TBL1X: variants seen among roughly 807,000 people sequenced by gnomAD.
TBL1X encodes transducin beta like 1 X-linked.
TBL1X carries 10 observed loss-of-function variants against 50.7 expected under a neutral mutation model. That is an observed-to-expected ratio of 0.20 (90% CI 0.12 to 0.33). TBL1X has a LOEUF of 0.33. Ranked by LOEUF, TBL1X falls within the 10% of genes least tolerant of loss-of-function variation. The pLI, the probability that TBL1X is intolerant of heterozygous loss-of-function variation, is 1.00. For missense variants in TBL1X, 340 were observed against 504.4 expected (o/e 0.67, Z 3.12); for synonymous variants, 190 against 214.7 (o/e 0.88, Z 1.01).
intron 2 of TBL1X, among the ~76,000 whole-genome samples, chrX:9,511,845 T>A (rs192843310): frequency 3.6e-5 from 4 of 112,301 alleles, no homozygotes; most frequent in African/African-American, 1.3e-4. Context: ...GCAGGTTGTC[T>A]ACTTCTTAAC....
chrX:9,469,164 T>TCTTG (rs1555955000), intron 1 of TBL1X, among the ~76,000 whole-genome samples: 1 of 108,819 alleles, frequency 9.2e-6, no homozygotes, highest in Non-Finnish European at 1.9e-5. Context: ...AACATGCCTT[T>TCTTG]TTTGTTTGTT....
intron 2 of TBL1X, among the ~76,000 whole-genome samples, chrX:9,529,512 GGCACAGCCAGGTAGA>G (rs2082149406): frequency 8.9e-6 from 1 of 111,844 alleles, no homozygotes; most frequent in Non-Finnish European, 1.9e-5. Context: ...AGGCAGGCAT[GGCACAGCCAGGTAGA>G]GACTGGTTTC....
chrX:9,688,645 G>C (rs976557855), intron 7 of TBL1X, among the ~76,000 whole-genome samples: 1 of 112,720 alleles, frequency 8.9e-6, no homozygotes, highest in Non-Finnish European at 1.9e-5. Context: ...TATAATTATT[G>C]AGCTTGCAGT....
At chrX:9,526,121 G>T (rs757593986) in intron 2 of TBL1X, among the ~76,000 whole-genome samples, 1 of 103,472 alleles carries the variant, frequency 9.7e-6, no homozygotes, top group South Asian at 4.7e-4. Context: ...GTGTGAGTGT[G>T]TGTGTGAGAG....
At chrX:9,594,576 T>C (rs1461593419) in intron 2 of TBL1X, among the ~76,000 whole-genome samples, 1 of 112,216 alleles carries the variant, frequency 8.9e-6, no homozygotes, top group African/African-American at 3.2e-5. Flanking sequence ...TAGGTGTCTT[T>C]CTTGCCCAGA....
At chrX:9,689,094 G>A (rs1048559989) in intron 7 of TBL1X, among the ~76,000 whole-genome samples, 1 of 113,488 alleles carries the variant, frequency 8.8e-6, no homozygotes, top group African/African-American at 3.2e-5. Flanking sequence ...GCACAAGTTT[G>A]TGTGCGTGTG....
chrX:9,635,949 A>G (rs2082744312), intron 2 of TBL1X, among the ~76,000 whole-genome samples: 1 of 112,621 alleles, frequency 8.9e-6, no homozygotes, highest in African/African-American at 3.2e-5. Context: ...AACGTGGTTC[A>G]GCCACGCAGT....
intron 2 of TBL1X, among the ~76,000 whole-genome samples, chrX:9,570,909 C>T (rs899932269): frequency 9.0e-6 from 1 of 110,985 alleles, no homozygotes; most frequent in Non-Finnish European, 1.9e-5. Context: ...GATCTCCTGA[C>T]CTCGTGATCT....
intron 5 of TBL1X, among the ~76,000 whole-genome samples, chrX:9,673,812 A>G (rs2082974486): frequency 8.9e-6 from 1 of 112,295 alleles, no homozygotes; most frequent in Non-Finnish European, 1.9e-5. Context: ...GCCTGTAGTA[A>G]TCCCAGCACT....
rs142107304 is a variant in TBL1X at position 9,663,913 on chromosome X, G to C, written c.211+9591G>C. On this transcript the variant is annotated intron_variant, in intron 5 of 17. Coordinates refer to ENST00000645353, the MANE Select transcript of TBL1X (RefSeq NM_005647.4). ...TGGGAGCACGTGCGTACAAAGGAAG[G>C]TTATAGGAGAGTTCTTTTGTGTTGA... Among the ~76,000 whole-genome samples, 512 of 111,081 alleles carry C rather than the reference G, an allele frequency of 4.6e-3. 3 individuals carry two copies. Among genetic ancestry groups the C allele is most frequent in the African/African-American group, 0.016 (492 of 30,528 alleles).
rs139516461 is a variant in TBL1X, at chrX:9,704,006, T to C, written c.1115-987T>C. On this transcript the variant is annotated intron_variant, in intron 12 of 17. Coordinates refer to ENST00000645353, the MANE Select transcript of TBL1X (RefSeq NM_005647.4). ...TTGGTACATTGGGAAGTTGTTGGATTCCCAGCTGCCATCCTAGAAAATAAA... is the reference window on the plus strand; with the variant it reads ...TTGGTACATTGGGAAGTTGTTGGATCCCCAGCTGCCATCCTAGAAAATAAA... 5.3e-4 allele frequency among the ~76,000 whole-genome samples: 59 copies of C among 111,700 alleles called. No individual in the cohort carries two copies. The East Asian group carries it at 0.016, about 30-fold the overall frequency.
chrX:9,593,636 T>G (rs1232608441), intron 2 of TBL1X, among the ~76,000 whole-genome samples: 3 of 110,316 alleles, frequency 2.7e-5, no homozygotes, highest in Non-Finnish European at 5.7e-5. Flanking sequence ...GGTACTCCAG[T>G]GATGGAGACC....
At chrX:9,490,970 A>T (rs1489298118) in intron 1 of TBL1X, among the ~76,000 whole-genome samples, 1 of 110,448 alleles carries the variant, frequency 9.1e-6, no homozygotes, top group Non-Finnish European at 1.9e-5. Flanking sequence ...ATAAATTCTT[A>T]AAAAATTTGT....
chrX:9,533,016 G>A (rs1222745845), intron 2 of TBL1X, among the ~76,000 whole-genome samples: 2 of 111,612 alleles, frequency 1.8e-5, no homozygotes, highest in Non-Finnish European at 3.8e-5. Flanking sequence ...AGCCAGCACA[G>A]GGTTTCTTCT....
At chrX:9,567,610 C>T (rs1451765635) in intron 2 of TBL1X, among the ~76,000 whole-genome samples, 1 of 112,248 alleles carries the variant, frequency 8.9e-6, no homozygotes, top group Admixed American at 9.4e-5. Context: ...GTGCCATCTG[C>T]AGTCTGCAGG....
At chrX:9,659,844 T>C (rs2146605283) in intron 5 of TBL1X, among the ~76,000 whole-genome samples, 1 of 112,412 alleles carries the variant, frequency 8.9e-6, no homozygotes, top group South Asian at 3.7e-4. Flanking sequence ...TGCAGGACGC[T>C]CATGAAGTGT....
chrX:9,539,814 C>T (rs1293422663), intron 2 of TBL1X, among the ~76,000 whole-genome samples: 1 of 112,065 alleles, frequency 8.9e-6, no homozygotes, highest in African/African-American at 3.2e-5. Context: ...TCCCACTCCA[C>T]CCCCTTCATT....
intron 7 of TBL1X, among the ~76,000 whole-genome samples, chrX:9,690,899 CTTGTTGTTG>C (rs765757640): frequency 2.2e-4 from 24 of 110,254 alleles, no homozygotes; most frequent in Non-Finnish European, 4.4e-4. Flanking sequence ...TGGCTAACTT[CTTGTTGTTG>C]TTGTTGTTGT....
At chrX:9,471,399 T>G (rs997653746) in intron 1 of TBL1X, among the ~76,000 whole-genome samples, 2 of 111,950 alleles carry the variant, frequency 1.8e-5, no homozygotes, top group South Asian at 7.4e-4. Flanking sequence ...TTTTCCTCCC[T>G]CCCAGGTGTG....
Sources: allele counts gnomAD v4.1 joint callset (sites outside exome capture counted in the v4.1 genomes callset), GRCh38; gene constraint gnomAD v4.1.1; transcripts MANE v1.5; gene names NCBI Gene and HGNC (gene_info 2026-07-23, HGNC 2026-07-21).